The following ZFHX3 variants were observed in gnomAD, a reference collection of about 807,000 sequenced individuals.
ZFHX3 encodes zinc finger homeobox 3.
In ZFHX3, 42 loss-of-function variants were observed where a neutral mutation model predicts 279.1. That is an observed-to-expected ratio of 0.15 (90% CI 0.12 to 0.19). The LOEUF (loss-of-function observed/expected upper bound fraction) is 0.19, where lower values mean the gene tolerates loss of function less well. ZFHX3 is among the 10% of genes least tolerant of loss of function. ZFHX3 has a pLI of 1.00. For missense variants in ZFHX3, 4,981 were observed against 4,754.0 expected (o/e 1.05, Z -1.40); for synonymous variants, 2,293 against 1,957.8 (o/e 1.17, Z -4.52).
At chr16:73,126,414 C>A (rs1966570677) in intron 7 of ZFHX3, among the ~76,000 whole-genome samples, 3 of 152,054 alleles carry the variant, frequency 2.0e-5, no homozygotes, top group Admixed American at 2.0e-4. Context: ...GGAAGCACAA[C>A]AGGACTTGGG....
intron 3 of ZFHX3, among the ~76,000 whole-genome samples, chr16:73,394,007 A>G (rs1395059636): frequency 1.3e-5 from 2 of 148,628 alleles, no homozygotes; most frequent in Admixed American, 6.7e-5. Context: ...ATGTATACAT[A>G]TATCTGTATG....
intron 3 of ZFHX3, among the ~76,000 whole-genome samples, chr16:73,342,889 CTG>C (rs1270964035): frequency 6.6e-6 from 1 of 152,206 alleles, no homozygotes; most frequent in Non-Finnish European, 1.5e-5. Flanking sequence ...CACAGTGACA[CTG>C]TGTGGGGGCT....
intron 3 of ZFHX3, among the ~76,000 whole-genome samples, chr16:73,380,182 T>C (rs1490088731): frequency 6.6e-6 from 1 of 152,106 alleles, no homozygotes; most frequent in African/African-American, 2.4e-5. Flanking sequence ...ATAAAGGACA[T>C]ATAATATCCA....
chr16:73,357,499 C>G (rs1232647633), intron 3 of ZFHX3, among the ~76,000 whole-genome samples: 1 of 152,130 alleles, frequency 6.6e-6, no homozygotes, highest in Non-Finnish European at 1.5e-5. Context: ...AGGACAGAGA[C>G]AGAGACAGAA....
At chr16:73,362,894 T>C (rs1213928360) in intron 3 of ZFHX3, among the ~76,000 whole-genome samples, 1 of 152,276 alleles carries the variant, frequency 6.6e-6, no homozygotes, top group East Asian at 1.9e-4. Flanking sequence ...GCTTAGTTTA[T>C]ATACAAGTAA....
chr16:73,517,073 A>G (rs1025784766), intron 2 of ZFHX3, among the ~76,000 whole-genome samples: 4 of 152,130 alleles, frequency 2.6e-5, no homozygotes, highest in Non-Finnish European at 5.9e-5. Context: ...TCCCCCCATA[A>G]CAAATCCATC....
At chr16:73,508,922 T>C (rs1221564082) in intron 2 of ZFHX3, among the ~76,000 whole-genome samples, 1 of 152,216 alleles carries the variant, frequency 6.6e-6, no homozygotes, top group African/African-American at 2.4e-5. Flanking sequence ...AAGATATCCC[T>C]GTACTGAATC....
At chr16:73,062,140 G>A (rs1965691643), upstream of ZFHX3, 1 of 152,048 alleles carries the variant, frequency 6.6e-6, no homozygotes, top group Admixed American at 6.5e-5. Context: ...GCTGGCAAGA[G>A]GGCAGAAAAT....
At chr16:73,581,672 T>TA (rs2051862504) in intron 2 of ZFHX3, among the ~76,000 whole-genome samples, 1 of 130,532 alleles carries the variant, frequency 7.7e-6, no homozygotes, top group African/African-American at 2.9e-5. Flanking sequence ...TTTTTTTTTT[T>TA]TTTTTTTTTT....
chr16:73,065,313 C>T (rs181109616), intron 8 of ZFHX3, among the ~76,000 whole-genome samples: 54 of 152,312 alleles, frequency 3.5e-4, no homozygotes, highest in African/African-American at 9.4e-4. Flanking sequence ...CCACCCCACC[C>T]CATGCTTGCA....
chr16:73,484,611 G>C (rs528811489), intron 2 of ZFHX3, among the ~76,000 whole-genome samples: 1 of 152,146 alleles, frequency 6.6e-6, no homozygotes, highest in African/African-American at 2.4e-5. Flanking sequence ...GTATCACCAC[G>C]GTAGCAGGGA....
At chr16:72,821,923 T>G (rs1261181134) in intron 5 of ZFHX3, 2 of 152,220 alleles carry the variant, frequency 1.3e-5, no homozygotes, top group African/African-American at 4.8e-5. Flanking sequence ...TTGTTTATTT[T>G]TTTGTTTTTA....
chr16:73,001,835 GA>G (rs1418691298), intron 1 of ZFHX3, among the ~76,000 whole-genome samples: 5 of 151,834 alleles, frequency 3.3e-5, no homozygotes, highest in Admixed American at 3.3e-4. Flanking sequence ...AAAAGGGGGG[GA>G]AAGAAAAGAA....
At chr16:73,510,264 T>C (rs1377700499) in intron 2 of ZFHX3, among the ~76,000 whole-genome samples, 1 of 152,182 alleles carries the variant, frequency 6.6e-6, no homozygotes, top group Non-Finnish European at 1.5e-5. Context: ...ATTTTCTTGT[T>C]GTCTTTTGCC....
At chr16:72,881,202 AT>A (rs2144024989) in intron 4 of ZFHX3, among the ~76,000 whole-genome samples, 1 of 152,334 alleles carries the variant, frequency 6.6e-6, no homozygotes, top group South Asian at 2.1e-4. Context: ...CCATGGCACT[AT>A]TAAGCACTTG....
intron 3 of ZFHX3, among the ~76,000 whole-genome samples, chr16:73,421,778 G>C (rs1401194135): frequency 6.6e-6 from 1 of 152,146 alleles, no homozygotes; most frequent in Non-Finnish European, 1.5e-5. Flanking sequence ...GTCTGGGTGG[G>C]GGATGGGTTT....
upstream of ZFHX3, chr16:73,048,189 G>A (rs1567650230): frequency 6.6e-6 from 1 of 150,598 alleles, no homozygotes; most frequent in Non-Finnish European, 1.5e-5. Context: ...GCGGGGCGGG[G>A]GGCCTTCGGG....
At chr16:73,735,286 A>G (rs1178410656) in intron 1 of ZFHX3, among the ~76,000 whole-genome samples, 1 of 151,620 alleles carries the variant, frequency 6.6e-6, no homozygotes, top group East Asian at 1.9e-4. Context: ...TGAGTCAACT[A>G]TAAGGTTTGA....
intron 1 of ZFHX3, among the ~76,000 whole-genome samples, chr16:73,742,883 A>G (rs1276867515): frequency 1.3e-5 from 2 of 152,242 alleles, no homozygotes; most frequent in African/African-American, 2.4e-5. Context: ...TGCACTTTCA[A>G]TAAGGAAACT....
Sources: allele counts gnomAD v4.1 joint callset (sites outside exome capture counted in the v4.1 genomes callset), GRCh38; gene constraint gnomAD v4.1.1; transcripts MANE v1.5; gene names NCBI Gene and HGNC (gene_info 2026-07-23, HGNC 2026-07-21).